The following CIAPIN1 variants were observed in gnomAD, a reference collection of about 807,000 sequenced individuals.
CIAPIN1 encodes cytokine induced apoptosis inhibitor 1.
CIAPIN1 carries 18 observed loss-of-function variants against 34.3 expected under a neutral mutation model. That is an observed-to-expected ratio of 0.52 (90% CI 0.36 to 0.78). The LOEUF (loss-of-function observed/expected upper bound fraction) is 0.78. CIAPIN1 is among the 30% of genes least tolerant of loss of function. CIAPIN1 has a pLI of 0.00. For synonymous variants in CIAPIN1, 131 were observed against 140.4 expected (o/e 0.93, Z 0.47); for missense variants, 310 against 372.5 (o/e 0.83, Z 1.38).
chr16:57,443,927 GA>G lies in CIAPIN1; in HGVS notation c.-55-2945del, dbSNP rs552042444. On this transcript the variant is annotated intron_variant, in intron 1 of 8. Transcript: ENST00000394391. ...TGGATTGCTGGGCATTAAGTTATAAGAAAAAAAAAATGACCTGTTTCTAGAA... is the reference window on the plus strand; with the variant it reads ...TGGATTGCTGGGCATTAAGTTATAAGAAAAAAAAATGACCTGTTTCTAGAA... Among the ~76,000 whole-genome samples, 376 of 148,008 alleles carry G rather than the reference GA, an allele frequency of 2.5e-3. 1 individual carries two copies. The highest frequency in any genetic ancestry group is 8.1e-3 in the East Asian group (41 of 5,090).
rs760947272 is a variant in CIAPIN1 at position 57,440,902 on chromosome 16, G to A, written c.27C>T (p.Gly9=). The A allele has an allele frequency of 2.5e-6, 4 of 1,613,402 alleles. No individual in the cohort carries two copies. The African/African-American group carries it at 4.0e-5, about 16-fold the overall frequency. The change falls in exon 2 of 9, where the codon GGC becomes GGT. Residue 9 remains glycine (G), a synonymous_variant. Transcript: ENST00000394391. ...TATCCCAGACCACTGCCACAAACTG[G>A]CCAGCAGAGATCCCAAAATCTGCCA... MADFGISA[G]QFVAVVWDKS...
intron 2 of CIAPIN1, among the ~76,000 whole-genome samples, chr16:57,439,583 G>A (rs1406352019): frequency 6.6e-6 from 1 of 152,230 alleles, no homozygotes; most frequent in African/African-American, 2.4e-5. Context: ...ACCCCAAACG[G>A]AGGGACCGGC....
chr16:57,440,930 C>G lies in CIAPIN1; in HGVS notation c.-2G>C. 1 of 1,612,686 alleles carries G rather than the reference C, an allele frequency of 6.2e-7. No individual in the cohort carries two copies. Among genetic ancestry groups the G allele is most frequent in the Non-Finnish European group, 8.5e-7 (1 of 1,179,618 alleles). ...AGCAGAGATCCCAAAATCTGCCATTCTTGCAGTGCAGTACTGACAGACCTA... is the reference window on the plus strand; with the variant it reads ...AGCAGAGATCCCAAAATCTGCCATTGTTGCAGTGCAGTACTGACAGACCTA... On this transcript the variant is annotated 5_prime_UTR_variant, in exon 2 of 9. Coordinates refer to ENST00000394391, the MANE Select transcript of CIAPIN1 (RefSeq NM_020313.4).
rs1252623826 is a variant in CIAPIN1 at position 57,439,215 on chromosome 16, G to C, written c.277C>G (p.Leu93Val). Residue 93 changes from leucine to valine, a missense_variant, in exon 3 of 9, where the codon CTT (leucine) becomes GTT (valine). Coordinates refer to ENST00000394391, the MANE Select transcript of CIAPIN1 (RefSeq NM_020313.4). ...GTCTCTACTGGCTCCTTCAGAAAAA[G>C]ACATCCACCAGGCCGAAGGATCCGG... Reference protein sequence around the residue: ...IARILRPGGCLFLKEPVETAV... With the variant: ...IARILRPGGCVFLKEPVETAV... The C allele has an allele frequency of 1.2e-5, 19 of 1,614,082 alleles. No homozygotes were observed. Among genetic ancestry groups the C allele is most frequent in the Non-Finnish European group, 1.5e-5 (18 of 1,180,046 alleles).
In CIAPIN1 at chr16:57,436,711, G is replaced by A. The variant is rs763677748; in HGVS notation, c.332C>T (p.Thr111Ile). 3 of 1,613,814 alleles carry A rather than the reference G, an allele frequency of 1.9e-6. No individual in the cohort carries two copies. The highest frequency in any genetic ancestry group is 1.1e-5 in the South Asian group (1 of 91,056). Residue 111 changes from threonine (T) to isoleucine (I), a missense_variant, in exon 4 of 9, where the codon ACA (threonine) becomes ATA (isoleucine). Coordinates refer to ENST00000394391, the MANE Select transcript of CIAPIN1 (RefSeq NM_020313.4). ...CAGGGCTGAACACAGCTTAGATGCT[G>A]TCTTCACTTTGCTATTGTTATCTGC... ...TAVDNNSKVK[T>I]ASKLCSALTL...
At chr16:57,430,119 C>G in intron 8 of CIAPIN1, 139 bp downstream of exon 8, 1 of 707,850 alleles carries the variant, frequency 1.4e-6, no homozygotes. Context: ...CCTCTCTCCC[C>G]ATTACTACCT....
At chr16:57,438,923 T>C (rs1456953009) in intron 3 of CIAPIN1, among the ~76,000 whole-genome samples, 2 of 152,212 alleles carry the variant, frequency 1.3e-5, no homozygotes, top group Admixed American at 1.3e-4. Flanking sequence ...ATTATGAACA[T>C]ATCAAAGTTT....
rs192801865 is a variant in CIAPIN1 at position 57,429,211 on chromosome 16, C to G, written c.898G>C (p.Glu300Gln). Residue 300 changes from glutamate (E) to glutamine (Q), a missense_variant, in exon 9 of 9, where the codon GAA (glutamate) becomes CAA (glutamine). Transcript: ENST00000394391. ...YLGMPAFKPG[E>Q]KVLLSDSNLH... ...TTGCTATCACTCAGAAGCACCTTTT[C>G]CCCAGGTTTGAAGGCTGGCATCCCA... 2.9e-3 allele frequency: 4,606 copies of G among 1,613,466 alleles called. 12 individuals are homozygous for G. Among genetic ancestry groups the G allele is most frequent in the Non-Finnish European group, 3.6e-3 (4,305 of 1,179,912 alleles).
At chr16:57,439,774 TCTTTA>T (rs1264350568) in intron 2 of CIAPIN1, among the ~76,000 whole-genome samples, 7 of 152,270 alleles carry the variant, frequency 4.6e-5, no homozygotes, top group Non-Finnish European at 8.8e-5. Context: ...CCTATGCCTG[TCTTTA>T]CTTTAATCTC....
At chr16:57,447,267 A>T (rs1399335813) in intron 1 of CIAPIN1, 75 bp downstream of exon 1, 5 of 375,818 alleles carry the variant, frequency 1.3e-5, no homozygotes, top group Non-Finnish European at 2.3e-5. Context: ...AAATGAGAGG[A>T]TGTGGGAACG....
At chr16:57,431,522 C>T in intron 6 of CIAPIN1, 1 of 341,022 alleles carries the variant, frequency 2.9e-6, no homozygotes, top group Non-Finnish European at 5.5e-6. Flanking sequence ...AGCTGTATGA[C>T]TGGCCAGCAA....
Position 57,429,206 on chromosome 16 carries a change from C to A in CIAPIN1, c.903G>T (p.Lys301Asn), listed in dbSNP as rs61743712. ...GAAGATTGCTATCACTCAGAAGCAC[C>A]TTTTCCCCAGGTTTGAAGGCTGGCA... The part of the protein sequence containing the change: ...LGMPAFKPGE[K>N]VLLSDSNLHD... Residue 301 changes from lysine (K) to asparagine (N), a missense_variant, in exon 9 of 9, where the codon AAG (lysine) becomes AAT (asparagine). Transcript: ENST00000394391. 2 of 1,613,248 alleles carry A rather than the reference C, an allele frequency of 1.2e-6. No homozygotes were observed. Among genetic ancestry groups the A allele is most frequent in the Non-Finnish European group, 1.7e-6 (2 of 1,179,996 alleles).
chr16:57,445,812 C>T (rs1203643191), intron 1 of CIAPIN1, among the ~76,000 whole-genome samples: 1 of 139,348 alleles, frequency 7.2e-6, no homozygotes, highest in Non-Finnish European at 1.5e-5. Context: ...TCTGTCTAGA[C>T]ACTTAGACTA....
rs770273808 is a variant in CIAPIN1 at position 57,429,181 on chromosome 16, G to A, written c.928C>T (p.His310Tyr). Residue 310 changes from histidine (H) to tyrosine (Y), a missense_variant, in exon 9 of 9, where the codon CAT (histidine) becomes TAT (tyrosine). By Grantham distance (83) the His-to-Tyr change is moderately conservative. Coordinates refer to ENST00000394391, the MANE Select transcript of CIAPIN1 (RefSeq NM_020313.4). ...EKVLLSDSNL[H>Y]DA ...ATGTCAGGAACCTCCTAGGCATCAT[G>A]AAGATTGCTATCACTCAGAAGCACC... is the stretch of plus-strand genomic sequence containing the variant. 5.0e-6 allele frequency: 8 copies of A among 1,611,538 alleles called. No individual in the cohort carries two copies. Among genetic ancestry groups the A allele is most frequent in the Middle Eastern group, 2.1e-4 (1 of 4,868 alleles).
intron 1 of CIAPIN1, among the ~76,000 whole-genome samples, chr16:57,442,755 C>A (rs138900529): frequency 1.3e-5 from 2 of 152,298 alleles, no homozygotes; most frequent in Admixed American, 6.5e-5. Flanking sequence ...ATTTAACACT[C>A]AAGCATTAAA....
intron 2 of CIAPIN1, among the ~76,000 whole-genome samples, chr16:57,439,649 C>T (rs1260409809): frequency 2.0e-5 from 3 of 152,160 alleles, no homozygotes; most frequent in Non-Finnish European, 4.4e-5. Flanking sequence ...TTTATTAGTT[C>T]CCCAAATTAA....
At chr16:57,436,796 C>A in intron 3 of CIAPIN1, 64 bp from the exon 4 acceptor site, 1 of 1,382,356 alleles carries the variant, frequency 7.2e-7, no homozygotes. Flanking sequence ...AATAAAGGCT[C>A]AATCCTATAT....
chr16:57,441,985 T>C (rs1158462430), intron 1 of CIAPIN1, among the ~76,000 whole-genome samples: 1 of 152,236 alleles, frequency 6.6e-6, no homozygotes, highest in African/African-American at 2.4e-5. Flanking sequence ...GCCAACTCAG[T>C]GGCAATCATG....
rs200237459 is a variant in CIAPIN1 at position 57,434,169 on chromosome 16, C to T, written c.431G>A (p.Arg144Gln). The T allele has an allele frequency of 8.7e-6, 14 of 1,614,054 alleles. No individual in the cohort carries two copies. Among genetic ancestry groups the T allele is most frequent in the African/African-American group, 8.0e-5 (6 of 75,054 alleles). Residue 144 changes from arginine to glutamine, a missense_variant, in exon 5 of 9, where the codon CGA becomes CAA. Physicochemically the swap from Arg to Gln is conservative, Grantham distance 43 (BLOSUM62 1). Transcript: ENST00000394391. ...GTCACTTTCATGACCAAGGTGTTCT[C>T]GAACAGACTGTACTTCCTCAGGGGT... ...PLTPEEVQSV[R>Q]EHLGHESDNL...
Sources: allele counts gnomAD v4.1 joint callset (sites outside exome capture counted in the v4.1 genomes callset), GRCh38; gene constraint gnomAD v4.1.1; transcripts MANE v1.5; gene names NCBI Gene and HGNC (gene_info 2026-07-23, HGNC 2026-07-21).